The following SLC25A13 variants were observed in gnomAD, a reference collection of about 807,000 sequenced individuals.
The protein encoded by SLC25A13 is solute carrier family 25 member 13.
SLC25A13 carries 70 observed loss-of-function variants against 85.5 expected under a neutral mutation model. The ratio of observed to expected loss-of-function variants is 0.82; its 90% confidence interval spans 0.68 to 1.00. The LOEUF (loss-of-function observed/expected upper bound fraction) is 1.00, where lower values mean the gene tolerates loss of function less well. Among genes scored for constraint, SLC25A13 ranks in the 50% least tolerant of loss-of-function variants. The pLI is 0.00. For missense variants in SLC25A13, 765 were observed against 819.8 expected, an observed-to-expected ratio of 0.93 and a Z score of 0.82; for synonymous variants, 259 against 288.7, an observed-to-expected ratio of 0.90 and a Z score of 1.04.
chr7:96,206,029 T>C (rs1795447966), intron 5 of SLC25A13, among the ~76,000 whole-genome samples: 1 of 151,842 alleles, frequency 6.6e-6, no homozygotes, highest in Non-Finnish European at 1.5e-5. Context: ...GCACAGGTAA[T>C]GTGCTGGCCG....
At chr7:96,151,173 C>T (rs1053065942) in intron 13 of SLC25A13, among the ~76,000 whole-genome samples, 5 of 152,074 alleles carry the variant, frequency 3.3e-5, no homozygotes, top group African/African-American at 1.2e-4. Flanking sequence ...GGGTAATATA[C>T]CCAGCATCAC....
intron 5 of SLC25A13, among the ~76,000 whole-genome samples, chr7:96,208,505 CT>C (rs34151128): frequency 0.042 from 5,810 of 139,638 alleles, 266 homozygotes; most frequent in African/African-American, 0.14. Flanking sequence ...ACCCTTTTAA[CT>C]TTTTTTTTTT....
chr7:96,132,978 G>A (rs1200145015), intron 14 of SLC25A13, among the ~76,000 whole-genome samples: 6 of 152,102 alleles, frequency 3.9e-5, no homozygotes, highest in Admixed American at 3.9e-4. Flanking sequence ...CTGAGCTTGT[G>A]GGTAATAAAA....
Position 96,121,235 on chromosome 7 carries a change from T to C in SLC25A13, c.1984A>G (p.Lys662Glu). 6.2e-7 allele frequency: 1 copy of C among 1,614,102 alleles called. No individual in the cohort carries two copies. The highest frequency in any genetic ancestry group is 1.1e-5 in the South Asian group (1 of 91,066). ...NKFGLYLPLF[K>E]PSVSTSKAIG... Reference sequence around the variant, plus strand: ...GCCTTTGAGGTAGATACTGATGGCTTGAAGAGAGGTAGGTAAAGTCCAAAT... The same window carrying C: ...GCCTTTGAGGTAGATACTGATGGCTCGAAGAGAGGTAGGTAAAGTCCAAAT... Residue 662 changes from lysine (K) to glutamate (E), a missense_variant, in exon 18 of 18, where the codon AAG becomes GAG. Coordinates refer to ENST00000265631, the MANE Select transcript of SLC25A13 (RefSeq NM_014251.3).
chr7:96,129,099 C>T (rs1791890925), intron 15 of SLC25A13, among the ~76,000 whole-genome samples: 1 of 152,038 alleles, frequency 6.6e-6, no homozygotes. Context: ...ATTGAGCCAT[C>T]TTGAAAGTGG....
chr7:96,284,682 G>A (rs1321596319), intron 2 of SLC25A13, among the ~76,000 whole-genome samples: 7 of 152,216 alleles, frequency 4.6e-5, no homozygotes, highest in Admixed American at 2.6e-4. Flanking sequence ...TCATGGGTGC[G>A]GTCTCCCCAT....
intron 4 of SLC25A13, among the ~76,000 whole-genome samples, chr7:96,229,163 G>T (rs1796432978): frequency 6.6e-6 from 1 of 152,256 alleles, no homozygotes; most frequent in Non-Finnish European, 1.5e-5. Context: ...GGTGAAGCCA[G>T]CTGGGCTCCT....
chr7:96,175,122 G>A (rs1794168736), intron 11 of SLC25A13, among the ~76,000 whole-genome samples: 1 of 152,188 alleles, frequency 6.6e-6, no homozygotes, highest in Non-Finnish European at 1.5e-5. Context: ...CCAGTGGAGA[G>A]AACCAGTTCT....
At chr7:96,303,975 G>C (rs56086820) in intron 1 of SLC25A13, among the ~76,000 whole-genome samples, 2 of 152,022 alleles carry the variant, frequency 1.3e-5, no homozygotes, top group Non-Finnish European at 2.9e-5. Flanking sequence ...TGTTCTCTGC[G>C]AGTGAGCCCT....
At chr7:96,267,670 C>T (rs780522804) in intron 3 of SLC25A13, among the ~76,000 whole-genome samples, 12 of 151,754 alleles carry the variant, frequency 7.9e-5, no homozygotes, top group Admixed American at 4.6e-4. Flanking sequence ...AAAAATTAGC[C>T]GGGTGTGGTG....
At chr7:96,235,029 C>A in intron 3 of SLC25A13, 112 bp from the exon 4 acceptor site, 1 of 722,682 alleles carries the variant, frequency 1.4e-6, no homozygotes. Context: ...ACATAAAATT[C>A]AAACTGAAAA....
chr7:96,158,682 T>C (rs1793382078), intron 13 of SLC25A13, among the ~76,000 whole-genome samples: 1 of 152,038 alleles, frequency 6.6e-6, no homozygotes. Context: ...AGTTATAGAA[T>C]AGACTTTTAC....
intron 3 of SLC25A13, among the ~76,000 whole-genome samples, chr7:96,246,236 C>T (rs1397154500): frequency 1.3e-5 from 2 of 152,158 alleles, no homozygotes; most frequent in Admixed American, 1.3e-4. Context: ...TACAGGGTAC[C>T]GAAGGCACAG....
intron 13 of SLC25A13, among the ~76,000 whole-genome samples, chr7:96,155,055 C>T (rs1267989047): frequency 1.3e-5 from 2 of 152,142 alleles, no homozygotes; most frequent in Non-Finnish European, 2.9e-5. Flanking sequence ...CCACCTTGGC[C>T]TCCCAAAGTG....
rs142975395 is a variant in SLC25A13, at chr7:96,182,696, T to C, written c.1177+1581A>G. ...CAGTACAGGTTGCAAAAGGGAAATA[T>C]AGACGTAACCAAAAATCAGACCTGC... On this transcript the variant is annotated intron_variant, in intron 11 of 17. Transcript: ENST00000265631. Among the ~76,000 whole-genome samples the C allele has an allele frequency of 5.9e-4, 90 of 152,274 alleles. 1 individual carries two copies. In the East Asian group the frequency reaches 0.012, roughly 20 times the overall value.
chr7:96,234,732 G>GAAAAA, intron 4 of SLC25A13, 70 bp downstream of exon 4: 1 of 967,594 alleles, frequency 1.0e-6, no homozygotes, highest in Non-Finnish European at 1.5e-6. Flanking sequence ...TTTGTTCCTA[G>GAAAAA]AAAAAAAAAA....
intron 11 of SLC25A13, among the ~76,000 whole-genome samples, chr7:96,180,555 C>T (rs901794028): frequency 1.1e-4 from 17 of 152,192 alleles, no homozygotes; most frequent in African/African-American, 3.6e-4. Context: ...TCTTGAACTC[C>T]TGACCTCAGG....
chr7:96,165,361 T>C (rs779734938), intron 13 of SLC25A13, among the ~76,000 whole-genome samples: 5 of 152,084 alleles, frequency 3.3e-5, no homozygotes, highest in Non-Finnish European at 7.4e-5. Flanking sequence ...ATCATAAGAC[T>C]GAAGAAATGA....
intron 5 of SLC25A13, among the ~76,000 whole-genome samples, chr7:96,199,525 G>C (rs899991908): frequency 6.6e-6 from 1 of 152,170 alleles, no homozygotes; most frequent in Non-Finnish European, 1.5e-5. Flanking sequence ...GCCGAAGACA[G>C]TTACCAACTG....
Sources: allele counts gnomAD v4.1 joint callset (sites outside exome capture counted in the v4.1 genomes callset), GRCh38; gene constraint gnomAD v4.1.1; transcripts MANE v1.5; gene names NCBI Gene and HGNC (gene_info 2026-07-23, HGNC 2026-07-21).